Variants in SPOUT1 observed in about 807,000 individuals in gnomAD.
The protein encoded by SPOUT1 is SPOUT domain containing methyltransferase 1.
In SPOUT1, 40 loss-of-function variants were observed where a neutral mutation model predicts 54.8. That is an observed-to-expected ratio of 0.73 (90% CI 0.57 to 0.95). SPOUT1 has a LOEUF of 0.95. SPOUT1 is among the 40% of genes least tolerant of loss of function. SPOUT1 has a pLI of 0.00. For missense variants in SPOUT1, 437 were observed against 499.5 expected (o/e 0.87, Z 1.19); for synonymous variants, 193 against 200.3 (o/e 0.96, Z 0.31).
Position 128,826,476 on chromosome 9 carries a change from G to A in SPOUT1, c.459-43C>T, listed in dbSNP as rs766092371. ...CCTCAGGATGTTCCCAGGGGAAGCC[G>A]CCTCCTACCTGGTCTCCACTTTGAC... On this transcript the variant is annotated intron_variant, in intron 5 of 11. Transcript: ENST00000361256. This position sits in a 1 kb window ranked among gnomAD's most constrained non-coding sequence, Gnocchi z 5.5. The A allele has an allele frequency of 6.3e-5, 101 of 1,610,180 alleles. No individual in the cohort carries two copies. Among genetic ancestry groups the A allele is most frequent in the Non-Finnish European group, 7.7e-5 (91 of 1,176,688 alleles).
intron 11 of SPOUT1, 66 bp from the exon 12 acceptor site, chr9:128,822,899 G>A (rs764207968): frequency 1.2e-4 from 153 of 1,230,236 alleles, no homozygotes; most frequent in Non-Finnish European, 1.7e-4. Flanking sequence ...CTCCCAGCCT[G>A]TCTTCAGTGC....
Position 128,828,493 on chromosome 9 carries a change from C to T in SPOUT1, c.208+242G>A, listed in dbSNP as rs1830282765. 3.9e-4 allele frequency among the ~76,000 whole-genome samples: 8 copies of T among 20,690 alleles called. No homozygotes were observed. In the South Asian group the frequency reaches 0.023, roughly 61 times the overall value. 13.6% of individuals were successfully genotyped at this position (20,690 alleles called of 152,430 possible). On this transcript the variant is annotated intron_variant, in intron 3 of 11. Transcript: ENST00000361256. ...CCTGGGCAACAGAGCAAGACTCCATCTCAAAAAAAAAAAAAAAGAGAGATA... is the reference window on the plus strand; with the variant it reads ...CCTGGGCAACAGAGCAAGACTCCATTTCAAAAAAAAAAAAAAAGAGAGATA...
Position 128,824,169 on chromosome 9 carries a change from C to T in SPOUT1, c.817G>A (p.Val273Met), listed in dbSNP as rs765144423. The T allele has an allele frequency of 2.5e-6, 4 of 1,609,126 alleles. No individual in the cohort carries two copies. The highest frequency in any genetic ancestry group is 2.2e-5 in the South Asian group (2 of 90,964). The stretch of plus-strand genomic sequence containing the variant: ...TCTTGGAAGGGGGCCTCAGCAAACA[C>T]AGCACCTGGGGGTGGGGCCAGCTCA... ...TVRLASCLSAVFAEAPFQDGY... is the reference protein window; with the variant it reads ...TVRLASCLSAMFAEAPFQDGY... The change falls in exon 10 of 12, where the codon GTG becomes ATG. Residue 273 changes from valine to methionine, a missense_variant. Transcript: ENST00000361256.
Position 128,824,684 on chromosome 9 carries a change from C to T in SPOUT1, c.811+87G>A. On this transcript the variant is annotated intron_variant, in intron 9 of 11. Transcript: ENST00000361256. ...CACAGCAAGTTGACAGGACAAAAAC[C>T]CTGGTCTGATATTTGGGTCAGGCAA... is the stretch of plus-strand genomic sequence containing the variant. 4.4e-6 allele frequency: 4 copies of T among 912,874 alleles called. No individual in the cohort carries two copies. In the South Asian group the frequency reaches 5.6e-5, roughly 13 times the overall value. The allele number at this position is 912,874 out of a possible 1,614,324, so 56.5% of individuals were successfully genotyped here. A position where few individuals can be genotyped will look rare whatever the true frequency, so the allele number is the denominator to read the frequency against.
At chr9:128,828,596 G>A in intron 3 of SPOUT1, 139 bp downstream of exon 3, 1 of 905,836 alleles carries the variant, frequency 1.1e-6, no homozygotes. Context: ...CCCTTCTCTG[G>A]GCCTCAGTTT....
At chr9:128,827,789 G>C (rs1271720246) in intron 3 of SPOUT1, among the ~76,000 whole-genome samples, 1 of 152,250 alleles carries the variant, frequency 6.6e-6, no homozygotes, top group Non-Finnish European at 1.5e-5. Context: ...GGGCATGGTG[G>C]CGCATGCCTG....
At position 128,820,973 on chromosome 9, in the gene SPOUT1, G is replaced by A; in HGVS notation, c.*1792C>T. 1 of 849,460 alleles carries A rather than the reference G, an allele frequency of 1.2e-6. No homozygotes were observed. The highest frequency in any genetic ancestry group is 1.8e-6 in the Non-Finnish European group (1 of 542,504). 52.6% of individuals were successfully genotyped at this position (849,460 alleles called of 1,614,324 possible). The stretch of plus-strand genomic sequence containing the variant: ...AGTTCCCTACTCATCTGGTTTCTTG[G>A]CAAGCCTGTCAGCTTCCCTGCCTCG... On this transcript the variant is annotated 3_prime_UTR_variant, in exon 12 of 12. Transcript: ENST00000361256.
rs755651224 is a variant in SPOUT1 at position 128,820,800 on chromosome 9, G to A, written c.*1965C>T. The stretch of plus-strand genomic sequence containing the variant: ...GAGAAATATAGCCGCAGCTTGACCC[G>A]CAGCTACCAAAACGTCTATGTCTGC... On this transcript the variant is annotated 3_prime_UTR_variant, in exon 12 of 12. Coordinates refer to ENST00000361256, the MANE Select transcript of SPOUT1 (RefSeq NM_016390.4). The A allele has an allele frequency of 2.5e-5, 41 of 1,612,206 alleles. No individual in the cohort carries two copies. The highest frequency in any genetic ancestry group is 2.3e-4 in the Admixed American group (14 of 59,754).
Position 128,820,816 on chromosome 9 carries a change from C to CT in SPOUT1, c.*1948dup. ...GCTTGACCCGCAGCTACCAAAACGT[C>CT]TATGTCTGCACAGGGCCACTCTTCC... On this transcript the variant is annotated 3_prime_UTR_variant, in exon 12 of 12. Transcript: ENST00000361256. The CT allele has an allele frequency of 6.2e-7, 1 of 1,611,910 alleles. No individual in the cohort carries two copies. The highest frequency in any genetic ancestry group is 8.5e-7 in the Non-Finnish European group (1 of 1,179,036).
At chr9:128,823,960 C>T (rs1386840496) in intron 10 of SPOUT1, 66 bp from the exon 11 acceptor site, 4 of 1,595,646 alleles carry the variant, frequency 2.5e-6, no homozygotes, top group East Asian at 4.5e-5. Flanking sequence ...GCGCCCAGAC[C>T]TCAGTCCCTC....
At chr9:128,824,299 T>C (rs573842677) in intron 9 of SPOUT1, 125 bp from the exon 10 acceptor site, 15 of 544,834 alleles carry the variant, frequency 2.8e-5, no homozygotes, top group East Asian at 1.1e-4. Flanking sequence ...TGTGTGTGTG[T>C]GCGTGTGTGT....
chr9:128,821,154 A>C lies in SPOUT1; in HGVS notation c.*1611T>G. 5.0e-6 allele frequency: 2 copies of C among 399,704 alleles called. No individual in the cohort carries two copies. Among genetic ancestry groups the C allele is most frequent in the Admixed American group, 3.8e-5 (1 of 26,326 alleles). 24.8% of individuals were successfully genotyped at this position (399,704 alleles called of 1,614,324 possible). On this transcript the variant is annotated 3_prime_UTR_variant, in exon 12 of 12. Coordinates refer to ENST00000361256, the MANE Select transcript of SPOUT1 (RefSeq NM_016390.4). ...CCCAATCTTGTTCTGCCAATATGGA[A>C]CCCCCCGCAGGTCTGCAGTGCACCA...
chr9:128,827,184 G>A lies in SPOUT1; in HGVS notation c.216C>T (p.Pro72=). The A allele has an allele frequency of 6.2e-7, 1 of 1,611,570 alleles. No homozygotes were observed. The highest frequency in any genetic ancestry group is 8.5e-7 in the Non-Finnish European group (1 of 1,178,994). Residue 72 remains proline, a synonymous_variant, in exon 4 of 12, where the codon CCC becomes CCT. Coordinates refer to ENST00000361256, the MANE Select transcript of SPOUT1 (RefSeq NM_016390.4). The part of the protein sequence containing the change: ...AAAEKEDRGR[P]YTLSVALPGS... ...CCGGCAGGGCTACGCTCAGTGTGTA[G>A]GGCCGCCCTGAGCAGGGGAGGGATG...
In SPOUT1 at chr9:128,822,327, G is replaced by C; in HGVS notation, c.*438C>G. The C allele has an allele frequency of 6.2e-7, 1 of 1,613,112 alleles. No homozygotes were observed. The highest frequency in any genetic ancestry group is 8.5e-7 in the Non-Finnish European group (1 of 1,179,614). ...CCACGTGTGCCTGGGTCTGCCCACAGGACAGAGGCTGATGGGAAATCCTAC... is the reference window on the plus strand; with the variant it reads ...CCACGTGTGCCTGGGTCTGCCCACACGACAGAGGCTGATGGGAAATCCTAC... On this transcript the variant is annotated 3_prime_UTR_variant, in exon 12 of 12. Transcript: ENST00000361256.
chr9:128,825,612 G>A lies in SPOUT1; in HGVS notation c.639+410C>T, dbSNP rs543700804. On this transcript the variant is annotated intron_variant, in intron 7 of 11. Coordinates refer to ENST00000361256, the MANE Select transcript of SPOUT1 (RefSeq NM_016390.4). Reference sequence around the variant, plus strand: ...CTCCCAAAGTGCTGGGGTTACAGGCGTGAGCCACTGCGCTTGGGTTGTGCT... The same window carrying A: ...CTCCCAAAGTGCTGGGGTTACAGGCATGAGCCACTGCGCTTGGGTTGTGCT... Among the ~76,000 whole-genome samples the A allele has an allele frequency of 5.3e-5, 8 of 152,288 alleles. No homozygotes were observed. In the East Asian group the frequency reaches 5.8e-4, roughly 11 times the overall value.
chr9:128,822,619 C>G lies in SPOUT1; in HGVS notation c.*146G>C. On this transcript the variant is annotated 3_prime_UTR_variant, in exon 12 of 12. Transcript: ENST00000361256. ...CGGCGGGCAGTAAGTGAGGGTGGAG[C>G]CCAGTGAGACTGTGGGTGTGTGCAG... is the stretch of plus-strand genomic sequence containing the variant. 1 of 1,565,046 alleles carries G rather than the reference C, an allele frequency of 6.4e-7. No homozygotes were observed. Among genetic ancestry groups the G allele is most frequent in the Non-Finnish European group, 8.7e-7 (1 of 1,154,490 alleles).
At position 128,820,905 on chromosome 9, in the gene SPOUT1, C is replaced by A; in HGVS notation, c.*1860G>T. On this transcript the variant is annotated 3_prime_UTR_variant, in exon 12 of 12. Coordinates refer to ENST00000361256, the MANE Select transcript of SPOUT1 (RefSeq NM_016390.4). ...TCCCACTCACCTGAGGCCCCTACTG[C>A]CACTCACAGGGCCAGGCTTGCCCCA... 6.8e-7 allele frequency: 1 copy of A among 1,466,318 alleles called. No individual in the cohort carries two copies. Among genetic ancestry groups the A allele is most frequent in the Non-Finnish European group, 9.4e-7 (1 of 1,067,146 alleles). 90.8% of individuals were successfully genotyped at this position (1,466,318 alleles called of 1,614,324 possible). A position where few individuals can be genotyped will look rare whatever the true frequency, so the allele number is the denominator to read the frequency against.
chr9:128,825,978 G>A, intron 7 of SPOUT1, 44 bp downstream of exon 7: 1 of 1,612,670 alleles, frequency 6.2e-7, no homozygotes, highest in Non-Finnish European at 8.5e-7. Context: ...CCATTGCCAG[G>A]GTGTGTCCTG....
rs1830097362 is a variant in SPOUT1, at chr9:128,820,817, T to G, written c.*1948A>C. 1 of 1,611,714 alleles carries G rather than the reference T, an allele frequency of 6.2e-7. No individual in the cohort carries two copies. The highest frequency in any genetic ancestry group is 1.3e-5 in the African/African-American group (1 of 74,932). ...CTTGACCCGCAGCTACCAAAACGTC[T>G]ATGTCTGCACAGGGCCACTCTTCCT... is the stretch of plus-strand genomic sequence containing the variant. On this transcript the variant is annotated 3_prime_UTR_variant, in exon 12 of 12. Transcript: ENST00000361256.
Sources: gnomAD v4.1 joint callset for allele counts (sites outside exome capture counted in the v4.1 genomes callset) on GRCh38, gnomAD v4.1.1 for gene constraint, Gnocchi (gnomAD v3.1) non-coding constraint, MANE v1.5 for transcripts, NCBI Gene and HGNC (gene_info 2026-07-23, HGNC 2026-07-21) for gene names.